Variants in TCAIM observed in about 807,000 individuals in gnomAD.
TCAIM encodes the protein T-cell activation inhibitor, mitochondrial.
In TCAIM, 36 loss-of-function variants were observed where a neutral mutation model predicts 58.6. The observed-to-expected ratio is 0.61, with a 90% confidence interval of 0.47 to 0.81. The LOEUF (loss-of-function observed/expected upper bound fraction) is 0.81. TCAIM is among the 30% of genes least tolerant of loss of function. The pLI is 0.00. For synonymous variants in TCAIM, 172 were observed against 193.6 expected (o/e 0.89, Z 0.93); for missense variants, 466 against 579.6 (o/e 0.80, Z 2.01).
In TCAIM at chr3:44,408,073, T is replaced by G. The variant is rs1702128399; in HGVS notation, c.*391T>G. ...GATTTTATATCCCAGTCTTATGATG[T>G]TGGTTGGCAAGGCTAGATAAAAAGA... is the stretch of plus-strand genomic sequence containing the variant. On this transcript the variant is annotated 3_prime_UTR_variant, in exon 11 of 11. Transcript: ENST00000342649. 6.5e-6 allele frequency: 1 copy of G among 152,766 alleles called. No homozygotes were observed. Among genetic ancestry groups the G allele is most frequent in the Admixed American group, 6.5e-5 (1 of 15,286 alleles). 9.5% of individuals were successfully genotyped at this position (152,766 alleles called of 1,614,324 possible).
chr3:44,396,352 T>A (rs1701934448), intron 6 of TCAIM, 48 bp from the exon 7 acceptor site: 1 of 1,555,016 alleles, frequency 6.4e-7, no homozygotes. Flanking sequence ...GCTCGCTCCG[T>A]CTTCAGGGTG....
chr3:44,342,301 T>C (rs1700870111), intron 1 of TCAIM, among the ~76,000 whole-genome samples: 1 of 152,208 alleles, frequency 6.6e-6, no homozygotes, highest in South Asian at 2.1e-4. Context: ...CACATGTTTC[T>C]GCTGTAATGC....
intron 1 of TCAIM, among the ~76,000 whole-genome samples, chr3:44,343,169 C>T (rs1391854425): frequency 1.3e-5 from 2 of 151,726 alleles, no homozygotes; most frequent in African/African-American, 4.8e-5. Context: ...TTTGGTGTTA[C>T]AACAGACTTT....
In TCAIM at chr3:44,376,276, A is replaced by G. The variant is rs866527105; in HGVS notation, c.572+8568A>G. ...TCTGTGAACATACTAAAAATGGATG[A>G]ATGGGTGAGTTATATGGTATATGAA... is the stretch of plus-strand genomic sequence containing the variant. On this transcript the variant is annotated intron_variant, in intron 5 of 10. Coordinates refer to ENST00000342649, the MANE Select transcript of TCAIM (RefSeq NM_173826.4). Among the ~76,000 whole-genome samples, 7 of 152,346 alleles carry G rather than the reference A, an allele frequency of 4.6e-5. No individual in the cohort carries two copies. In the South Asian group the frequency reaches 1.5e-3, roughly 32 times the overall value.
chr3:44,404,069 C>T (rs767607382), intron 10 of TCAIM, among the ~76,000 whole-genome samples: 9 of 152,140 alleles, frequency 5.9e-5, no homozygotes, highest in Non-Finnish European at 8.8e-5. Flanking sequence ...TTATAGTCCT[C>T]GGGCACTCTT....
chr3:44,391,667 G>C (rs1445966189), intron 5 of TCAIM, among the ~76,000 whole-genome samples: 2 of 152,186 alleles, frequency 1.3e-5, no homozygotes, highest in Non-Finnish European at 2.9e-5. Flanking sequence ...GAGCACCAGG[G>C]TAGTGAAGAG....
At position 44,403,717 on chromosome 3, in the gene TCAIM, G is replaced by A. The variant is rs140929961; in HGVS notation, c.1250+2383G>A. ...GTTCCGTCCTACCAGTTGCTCAGGC[G>A]AATAAAAACCCATGAATCATCTTGA... On this transcript the variant is annotated intron_variant, in intron 10 of 10. Transcript: ENST00000342649. 6.6e-3 allele frequency among the ~76,000 whole-genome samples: 1,002 copies of A among 152,204 alleles called. 7 individuals are homozygous for A. The highest frequency in any genetic ancestry group is 0.013 in the African/African-American group (534 of 41,548).
intron 3 of TCAIM, chr3:44,358,258 CT>C: frequency 7.4e-7 from 1 of 1,357,874 alleles, no homozygotes. Flanking sequence ...GTGATTTTTC[CT>C]TATGATGCAT....
intron 5 of TCAIM, among the ~76,000 whole-genome samples, chr3:44,377,837 G>T (rs1414972849): frequency 6.6e-6 from 1 of 152,032 alleles, no homozygotes; most frequent in Non-Finnish European, 1.5e-5. Context: ...AAAATAAAAA[G>T]AAATCCCAAG....
chr3:44,406,585 T>G (rs896131570), intron 10 of TCAIM, among the ~76,000 whole-genome samples: 1 of 152,258 alleles, frequency 6.6e-6, no homozygotes, highest in Non-Finnish European at 1.5e-5. Context: ...TTCTGTTTTT[T>G]ACTGTCTAGT....
chr3:44,364,029 A>G (rs1701332379), intron 4 of TCAIM, among the ~76,000 whole-genome samples: 1 of 142,338 alleles, frequency 7.0e-6, no homozygotes, highest in Non-Finnish European at 1.5e-5. Context: ...CCCAGGTTCA[A>G]GTGATTCTTC....
Position 44,367,522 on chromosome 3 carries a change from ACTCCTGCAGTTTATCTGTTGAACATATC to A in TCAIM, c.388_415del (p.Ser130LysfsTer3). 1.2e-6 allele frequency: 2 copies of A among 1,614,050 alleles called. No homozygotes were observed. Among genetic ancestry groups the A allele is most frequent in the South Asian group, 2.2e-5 (2 of 91,080 alleles). ...CTAAGCACAGTGTTATATATTCTCA[ACTCCTGCAGTTTATCTGTTGAACATATC>A]CAAAGCTTGAATACTAATATGCATA... On this transcript the variant is annotated frameshift_variant, in exon 5 of 11. Coordinates refer to ENST00000342649, the MANE Select transcript of TCAIM (RefSeq NM_173826.4). LOFTEE classifies it high-confidence loss of function.
intron 3 of TCAIM, chr3:44,358,368 A>G (rs536349548): frequency 2.9e-6 from 2 of 681,218 alleles, no homozygotes; most frequent in African/African-American, 1.9e-5. Flanking sequence ...AAGACAGTCA[A>G]TATATTTTAA....
intron 5 of TCAIM, among the ~76,000 whole-genome samples, chr3:44,380,213 A>G (rs1049593635): frequency 4.6e-5 from 7 of 152,202 alleles, no homozygotes; most frequent in Non-Finnish European, 1.0e-4. Context: ...TCTGTCTGAT[A>G]GATCAGTAAG....
chr3:44,342,267 G>T (rs1170853723), intron 1 of TCAIM, among the ~76,000 whole-genome samples: 9 of 152,114 alleles, frequency 5.9e-5, no homozygotes. Context: ...AGTTTGGAGT[G>T]GGGACAGAAT....
chr3:44,372,400 T>C (rs149523640), intron 5 of TCAIM, among the ~76,000 whole-genome samples: 157 of 152,312 alleles, frequency 1.0e-3, no homozygotes, highest in African/African-American at 3.7e-3. Flanking sequence ...TTTGGCCATA[T>C]GCAGTTTAAA....
At chr3:44,366,761 C>T (rs1057242866) in intron 4 of TCAIM, among the ~76,000 whole-genome samples, 3 of 151,886 alleles carry the variant, frequency 2.0e-5, no homozygotes, top group African/African-American at 7.3e-5. Context: ...CCACCGCGCC[C>T]GGCCTAATTT....
At chr3:44,371,465 G>A (rs1701468156) in intron 5 of TCAIM, among the ~76,000 whole-genome samples, 1 of 152,154 alleles carries the variant, frequency 6.6e-6, no homozygotes, top group African/African-American at 2.4e-5. Flanking sequence ...AGAGCAAAAA[G>A]TCCAGGTTGG....
chr3:44,370,445 G>GA (rs1701446852), intron 5 of TCAIM, among the ~76,000 whole-genome samples: 1 of 135,182 alleles, frequency 7.4e-6, no homozygotes, highest in South Asian at 2.4e-4. Context: ...AACAGAGTGA[G>GA]ACTCTGTCTC....
Sources: allele counts gnomAD v4.1 joint callset (sites outside exome capture counted in the v4.1 genomes callset), GRCh38; gene constraint gnomAD v4.1.1; transcripts MANE v1.5; gene names NCBI Gene and HGNC (gene_info 2026-07-23, HGNC 2026-07-21).